The following LRRC49 variants were observed in gnomAD, a reference collection of about 807,000 sequenced individuals.
LRRC49 encodes leucine rich repeat containing 49, also known as leucine-rich repeat-containing protein 49.
LRRC49 carries 50 observed loss-of-function variants against 83.3 expected under a neutral mutation model. That is an observed-to-expected ratio of 0.60 (90% CI 0.48 to 0.76). The LOEUF (loss-of-function observed/expected upper bound fraction) is 0.76. Ranked by LOEUF, LRRC49 falls within the 30% of genes least tolerant of loss-of-function variation. LRRC49 has a pLI of 0.00. For missense variants in LRRC49, 704 were observed against 809.1 expected, an observed-to-expected ratio of 0.87 and a Z score of 1.58; for synonymous variants, 286 against 283.3, an observed-to-expected ratio of 1.01 and a Z score of -0.10.
At chr15:71,003,747 ACT>A (rs1490913290) in intron 11 of LRRC49, among the ~76,000 whole-genome samples, 1 of 152,186 alleles carries the variant, frequency 6.6e-6, no homozygotes, top group African/African-American at 2.4e-5. Context: ...GCAAACTGAA[ACT>A]CAAAGAATTG....
chr15:71,010,540 G>T (rs377490706), intron 13 of LRRC49, among the ~76,000 whole-genome samples: 7 of 152,028 alleles, frequency 4.6e-5, no homozygotes, highest in Admixed American at 3.9e-4. Context: ...AAGAGAAAAA[G>T]AAAATAAAAT....
intron 11 of LRRC49, among the ~76,000 whole-genome samples, chr15:71,005,587 A>C (rs2038428156): frequency 1.3e-5 from 2 of 152,158 alleles, no homozygotes; most frequent in African/African-American, 4.8e-5. Context: ...GGATTAGAGC[A>C]GTTATATTTC....
At chr15:70,880,359 C>T (rs12595787) in intron 2 of LRRC49, among the ~76,000 whole-genome samples, 38,087 of 152,012 alleles carry the variant, frequency 0.25, 5,108 homozygotes, top group East Asian at 0.46. Context: ...AAAAGGTAAG[C>T]GCCAGGACAG....
chr15:70,894,669 G>A (rs1289445905), intron 2 of LRRC49: 2 of 1,263,332 alleles, frequency 1.6e-6, no homozygotes, highest in East Asian at 1.1e-4. Context: ...TCACAATTCA[G>A]GTGTGTCCTA....
rs2033641505 is a variant in LRRC49, at chr15:70,892,842, T to G, written c.-53T>G. On this transcript the variant is annotated 5_prime_UTR_variant, in exon 1 of 16. Coordinates refer to ENST00000260382, the MANE Select transcript of LRRC49 (RefSeq NM_017691.5). ...CTTTCGGGTCTCTTTGAATCTCCGC[T>G]GTAGCGTCACCTGGAAGGCAGATCT... 6.2e-7 allele frequency: 1 copy of G among 1,614,096 alleles called. No homozygotes were observed. The highest frequency in any genetic ancestry group is 1.1e-5 in the South Asian group (1 of 91,088).
chr15:71,027,258 T>C (rs2039201791), intron 14 of LRRC49, among the ~76,000 whole-genome samples: 1 of 152,170 alleles, frequency 6.6e-6, no homozygotes. Flanking sequence ...GTTGTAGATG[T>C]GTGGTGTAAT....
chr15:70,867,970 G>T (rs1308164186), intron 1 of LRRC49, among the ~76,000 whole-genome samples: 2 of 152,132 alleles, frequency 1.3e-5, no homozygotes, highest in East Asian at 3.9e-4. Flanking sequence ...AGATGCTCCG[G>T]CAGCTCCGTT....
chr15:70,893,854 G>A (rs1397628213), intron 2 of LRRC49, among the ~76,000 whole-genome samples: 1 of 150,474 alleles, frequency 6.6e-6, no homozygotes, highest in African/African-American at 2.5e-5. Flanking sequence ...TTACAAAAGG[G>A]TAAGGGTTTT....
At chr15:70,900,849 A>AAT (rs3830648) in intron 3 of LRRC49, 73 bp from the exon 4 acceptor site, 295,210 of 854,016 alleles carry the variant, frequency 0.35, 55,072 homozygotes, top group Admixed American at 0.39. Context: ...AAATTCTCCA[A>AAT]ATATAAGATG....
intron 14 of LRRC49, 38 bp from the exon 15 acceptor site, chr15:71,037,141 T>C (rs751337704): frequency 1.4e-6 from 2 of 1,460,858 alleles, no homozygotes; most frequent in Non-Finnish European, 1.9e-6. Context: ...GTAAGTCTGA[T>C]AAGTAACTCT....
In LRRC49 at chr15:71,044,566, A is replaced by T. The variant is rs1477295556; in HGVS notation, c.1858-4843A>T. ...CTCTTTGGGAGGCTGAGGTGGGTGGATTGCTTGAGTTCAAGAGTTTGAGAC... is the reference window on the plus strand; with the variant it reads ...CTCTTTGGGAGGCTGAGGTGGGTGGTTTGCTTGAGTTCAAGAGTTTGAGAC... On this transcript the variant is annotated intron_variant, in intron 15 of 15. Coordinates refer to ENST00000260382, the MANE Select transcript of LRRC49 (RefSeq NM_017691.5). Among the ~76,000 whole-genome samples the T allele has an allele frequency of 2.6e-5, 4 of 152,188 alleles. No homozygotes were observed. In the East Asian group the frequency reaches 7.8e-4, roughly 29 times the overall value.
At chr15:70,963,708 A>G in intron 8 of LRRC49, 77 bp from the exon 9 acceptor site, 1 of 1,478,416 alleles carries the variant, frequency 6.8e-7, no homozygotes, top group Non-Finnish European at 9.2e-7. Flanking sequence ...AAACTGTGCT[A>G]AAAATAAAGT....
At position 71,008,538 on chromosome 15, in the gene LRRC49, A is replaced by C. The variant is rs368930335; in HGVS notation, c.1329A>C (p.Thr443=). ...WSVQTAGMIT[T]VSFTFIEFDE... ...TTCAAACAGCAGGAATGATCACAAC[A>C]GTCTCCTTCACTTTCATAGAATTTG... The change falls in exon 12 of 16, where the codon ACA becomes ACC. Residue 443 remains threonine (T), a synonymous_variant. Coordinates refer to ENST00000260382, the MANE Select transcript of LRRC49 (RefSeq NM_017691.5). 80 of 1,612,628 alleles carry C rather than the reference A, an allele frequency of 5.0e-5. No homozygotes were observed. Among genetic ancestry groups the C allele is most frequent in the Non-Finnish European group, 6.4e-5 (75 of 1,179,144 alleles).
chr15:71,030,134 G>A (rs2039304510), intron 14 of LRRC49, among the ~76,000 whole-genome samples: 1 of 152,048 alleles, frequency 6.6e-6, no homozygotes, highest in African/African-American at 2.4e-5. Flanking sequence ...TTATATTTTG[G>A]TATGTTTTTG....
At chr15:70,912,665 TTTTATTTA>T (rs563678548) in intron 6 of LRRC49, among the ~76,000 whole-genome samples, 20 of 151,366 alleles carry the variant, frequency 1.3e-4, no homozygotes, top group Non-Finnish European at 2.2e-4. Flanking sequence ...TCTATATTTA[TTTTATTTA>T]TTTATTTATT....
intron 6 of LRRC49, chr15:70,918,573 C>T (rs927517309): frequency 6.6e-6 from 1 of 152,316 alleles, no homozygotes; most frequent in African/African-American, 2.4e-5. Flanking sequence ...TCTTTCCATT[C>T]AGACTCGACT....
intron 15 of LRRC49, chr15:71,048,851 T>G (rs1375888438): frequency 8.8e-6 from 4 of 456,056 alleles, no homozygotes; most frequent in Non-Finnish European, 4.4e-6. Flanking sequence ...GTCCCAGGTT[T>G]CTATATGTTT....
At chr15:70,951,319 GGAAT>G (rs1343428466) in intron 8 of LRRC49, among the ~76,000 whole-genome samples, 2 of 151,940 alleles carry the variant, frequency 1.3e-5, no homozygotes, top group African/African-American at 2.4e-5. Flanking sequence ...TAGTATGATA[GGAAT>G]GGCACTGAAT....
At chr15:70,894,474 C>G (rs1437645671) in intron 2 of LRRC49, 1 of 368,692 alleles carries the variant, frequency 2.7e-6, no homozygotes. Flanking sequence ...GATTATTTCC[C>G]CATAATGTCT....
Sources: gnomAD v4.1 joint callset for allele counts (sites outside exome capture counted in the v4.1 genomes callset) on GRCh38, gnomAD v4.1.1 for gene constraint, MANE v1.5 for transcripts, NCBI Gene and HGNC (gene_info 2026-07-23, HGNC 2026-07-21) for gene names.